SMARCAL1: variants seen among roughly 807,000 people sequenced by gnomAD.
The protein encoded by SMARCAL1 is SNF2 related chromatin remodeling annealing helicase 1, also known as ATP-driven annealing helicase.
Under a neutral mutation model 94.5 loss-of-function variants are expected in SMARCAL1, and 58 were observed. That is an observed-to-expected ratio of 0.61 (90% confidence interval 0.50 to 0.76). The LOEUF (loss-of-function observed/expected upper bound fraction) is 0.76, where lower values mean the gene tolerates loss of function less well. SMARCAL1 is among the 30% of genes least tolerant of loss of function. The probability of loss-of-function intolerance (pLI) is 0.00; values close to 1 mark genes in which losing one functional copy is unlikely to be tolerated. For synonymous variants in SMARCAL1, 422 were observed against 455.1 expected, an observed-to-expected ratio of 0.93 and a Z score of 0.93; for missense variants, 1,051 against 1,177.9, an observed-to-expected ratio of 0.89 and a Z score of 1.58.
chr2:216,445,197 T>G (rs1694282345), intron 10 of SMARCAL1, among the ~76,000 whole-genome samples: 1 of 152,198 alleles, frequency 6.6e-6, no homozygotes, highest in Admixed American at 6.5e-5. Flanking sequence ...ATATGACACC[T>G]TTGCAGCTGG....
At chr2:216,421,887 G>A (rs1693729278) in intron 5 of SMARCAL1, among the ~76,000 whole-genome samples, 1 of 152,196 alleles carries the variant, frequency 6.6e-6, no homozygotes, top group Admixed American at 6.5e-5. Flanking sequence ...CAGGGTTTGG[G>A]TTCCGGAGGA....
intron 1 of SMARCAL1, among the ~76,000 whole-genome samples, chr2:216,413,552 A>G (rs1317347591): frequency 6.6e-6 from 1 of 152,228 alleles, no homozygotes; most frequent in Non-Finnish European, 1.5e-5. Context: ...ATTAATTTCA[A>G]CTGTGGTTAT....
intron 17 of SMARCAL1, chr2:216,479,299 T>A (rs2738289): frequency 0.052 from 7,875 of 152,210 alleles, 417 homozygotes; most frequent in East Asian, 0.16. Context: ...AGGCCACACA[T>A]GGTGGTGCAC....
intron 6 of SMARCAL1, among the ~76,000 whole-genome samples, chr2:216,424,089 A>T (rs755952155): frequency 6.6e-6 from 1 of 152,224 alleles, no homozygotes; most frequent in South Asian, 2.1e-4. Context: ...GGATGGGATG[A>T]TCAAGAAAGA....
intron 7 of SMARCAL1, among the ~76,000 whole-genome samples, chr2:216,430,868 T>C (rs1693946546): frequency 6.6e-6 from 1 of 152,234 alleles, no homozygotes; most frequent in African/African-American, 2.4e-5. Flanking sequence ...AAAAAATACA[T>C]CTTTTCACAC....
chr2:216,432,694 C>T (rs759773551), intron 7 of SMARCAL1, 24 bp from the exon 8 acceptor site: 2 of 1,614,012 alleles, frequency 1.2e-6, no homozygotes, highest in East Asian at 4.5e-5. Context: ...GGAAATGTGC[C>T]ATCCTCACCT....
Position 216,415,268 on chromosome 2 carries a change from T to C in SMARCAL1, c.564T>C (p.Ala188=), listed in dbSNP as rs766719997. 2.5e-6 allele frequency: 4 copies of C among 1,614,240 alleles called. No individual in the cohort carries two copies. In the South Asian group the frequency reaches 3.3e-5, roughly 13 times the overall value. Reference sequence around the variant, plus strand: ...CCTCTGGACAGCCTCCCAGGGATGCTAAGTTAGAGGCCAAGACAGCAAAAG... The same window carrying C: ...CCTCTGGACAGCCTCCCAGGGATGCCAAGTTAGAGGCCAAGACAGCAAAAG... ...AHSSGQPPRD[A]KLEAKTAKAS... Residue 188 remains alanine (A), a synonymous_variant, in exon 3 of 18, where the codon GCT becomes GCC. Transcript: ENST00000357276.
intron 10 of SMARCAL1, chr2:216,446,564 G>T: frequency 2.5e-6 from 1 of 403,204 alleles, no homozygotes; most frequent in Non-Finnish European, 5.1e-6. Context: ...GTTCAGACCT[G>T]CCACTGTCTT....
chr2:216,478,293 C>G lies in SMARCAL1; in HGVS notation c.2619C>G (p.Leu873=), dbSNP rs1346035671. ...FSEMTESTDY[L]YKDPKQQKIY... is the part of the protein sequence containing the mutation. ...AAATGACAGAATCCACTGATTACCTCTACAAGGTAATGCCAGCACATGGCT... is the reference window on the plus strand; with the variant it reads ...AAATGACAGAATCCACTGATTACCTGTACAAGGTAATGCCAGCACATGGCT... Residue 873 remains leucine (L), a synonymous_variant, in exon 17 of 18, where the codon CTC becomes CTG. Transcript: ENST00000357276. 1.2e-6 allele frequency: 2 copies of G among 1,607,996 alleles called. No individual in the cohort carries two copies. The highest frequency in any genetic ancestry group is 2.7e-5 in the African/African-American group (2 of 74,944).
chr2:216,461,836 A>G (rs917817979), intron 12 of SMARCAL1, among the ~76,000 whole-genome samples: 3 of 152,126 alleles, frequency 2.0e-5, no homozygotes, highest in Non-Finnish European at 4.4e-5. Flanking sequence ...TCTCAAAAAA[A>G]AAAAAAACAA....
chr2:216,428,766 C>G lies in SMARCAL1; in HGVS notation c.1318C>G (p.Gln440Glu). The change falls in exon 7 of 18, where the codon CAG (glutamine) becomes GAG (glutamate). Residue 440 changes from glutamine (Q) to glutamate (E), a missense_variant. Physicochemically the swap from Gln to Glu is conservative, Grantham distance 29. Coordinates refer to ENST00000357276, the MANE Select transcript of SMARCAL1 (RefSeq NM_014140.4). ...GCTCGTGTCTAATCTGATGCCCTTT[C>G]AGAGAGCTGGAGTCAAGTAGGTTCT... ...PKLVSNLMPFQRAGVNFAIAK... is the reference protein window; with the variant it reads ...PKLVSNLMPFERAGVNFAIAK... 6.2e-7 allele frequency: 1 copy of G among 1,614,170 alleles called. No individual in the cohort carries two copies. The highest frequency in any genetic ancestry group is 1.1e-5 in the South Asian group (1 of 91,088).
intron 4 of SMARCAL1, among the ~76,000 whole-genome samples, chr2:216,417,671 C>CGCT (rs143571036): frequency 0.014 from 2,119 of 152,266 alleles, 61 homozygotes; most frequent in African/African-American, 0.048. Context: ...CAACCCATAA[C>CGCT]GCTGCTGCTG....
intron 12 of SMARCAL1, among the ~76,000 whole-genome samples, chr2:216,455,862 C>T (rs1439953352): frequency 3.3e-5 from 5 of 152,148 alleles, no homozygotes; most frequent in Non-Finnish European, 5.9e-5. Context: ...ATGACTTTGA[C>T]GAGTTGAGAG....
intron 6 of SMARCAL1, among the ~76,000 whole-genome samples, chr2:216,428,349 T>C (rs1028509370): frequency 1.3e-5 from 2 of 152,194 alleles, no homozygotes; most frequent in Admixed American, 1.3e-4. Flanking sequence ...TAAAATCAGG[T>C]GAGACTACAT....
chr2:216,446,866 T>A (rs777675787), intron 10 of SMARCAL1, 152 bp from the exon 11 acceptor site: 1 of 792,506 alleles, frequency 1.3e-6, no homozygotes, highest in Non-Finnish European at 2.1e-6. Context: ...AGATGCCATC[T>A]AACTGCTTGC....
intron 1 of SMARCAL1, chr2:216,412,864 G>T (rs543725326): frequency 7.2e-5 from 11 of 152,576 alleles, no homozygotes; most frequent in African/African-American, 2.2e-4. Context: ...TAGAGGGGAA[G>T]AGGGGCGTCC....
In SMARCAL1 at chr2:216,420,362, G is replaced by A. The variant is rs545116067; in HGVS notation, c.926G>A (p.Ser309Asn). ...LQPLEWAYGS[S>N]ESPSTSSEGQ... is the part of the protein sequence containing the mutation. ...CCTCTGGAATGGGCCTATGGCAGCA[G>A]CGAGTCACCCTCCACCAGCAGTGAG... The change falls in exon 5 of 18, where the codon AGC becomes AAC. Residue 309 changes from serine to asparagine, a missense_variant. By Grantham distance (46) the Ser-to-Asn change is conservative (BLOSUM62 1). This residue lies in a region of SMARCAL1 where 398 missense variants were observed against 395.2 expected (regional missense o/e 1.01). Transcript: ENST00000357276. 33 of 1,614,196 alleles carry A rather than the reference G, an allele frequency of 2.0e-5. No individual in the cohort carries two copies. In the East Asian group the frequency reaches 7.1e-4, roughly 35 times the overall value.
intron 11 of SMARCAL1, 114 bp downstream of exon 11, chr2:216,447,272 A>G (rs566485631): frequency 2.3e-6 from 3 of 1,305,290 alleles, no homozygotes; most frequent in East Asian, 2.3e-5. Flanking sequence ...TGGCCAGGGG[A>G]ATGGATTTTA....
chr2:216,456,910 G>C (rs370142150), intron 12 of SMARCAL1, among the ~76,000 whole-genome samples: 1 of 152,186 alleles, frequency 6.6e-6, no homozygotes, highest in Non-Finnish European at 1.5e-5. Flanking sequence ...AAATTGGATA[G>C]AGAGTCAAGA....
Sources: allele counts gnomAD v4.1 joint callset (sites outside exome capture counted in the v4.1 genomes callset), GRCh38; gene constraint gnomAD v4.1.1; regional missense constraint gnomAD v4.1.1; transcripts MANE v1.5; gene names NCBI Gene and HGNC (gene_info 2026-07-23, HGNC 2026-07-21).